The following ERC1 variants were observed in gnomAD, a reference collection of about 807,000 sequenced individuals.
The protein encoded by ERC1 is ELKS/RAB6-interacting/CAST family member 1.
ERC1 carries 56 observed loss-of-function variants against 132.0 expected under a neutral mutation model. That is an observed-to-expected ratio of 0.42 (90% CI 0.34 to 0.53). The LOEUF is 0.53. ERC1 is among the 20% of genes least tolerant of loss of function. The pLI, the probability that ERC1 is intolerant of heterozygous loss-of-function variation, is 0.03. For synonymous variants in ERC1, 478 were observed against 476.1 expected, an observed-to-expected ratio of 1.00 and a Z score of -0.05; for missense variants, 1,202 against 1,349.9, an observed-to-expected ratio of 0.89 and a Z score of 1.72.
chr12:1,146,308 G>GTTTTTTTTTTTTT lies in ERC1; in HGVS notation c.1737+4534_1737+4546dup, dbSNP rs1172108036. The stretch of plus-strand genomic sequence containing the variant: ...ATTTCCTTGTTTAGGTATTTTACTG[G>GTTTTTTTTTTTTT]TTTTTTTTTTTTTTTTTTTTTTTTT... On this transcript the variant is annotated intron_variant, in intron 8 of 18. Transcript: ENST00000360905. Among the ~76,000 whole-genome samples the GTTTTTTTTTTTTT allele has an allele frequency of 8.2e-4, 26 of 31,798 alleles. 1 individual carries two copies. The highest frequency in any genetic ancestry group is 1.6e-3 in the African/African-American group (13 of 8,000). The allele number at this position is 31,798 out of a possible 152,430, so 20.9% of individuals were successfully genotyped here.
chr12:1,327,390 G>C (rs1244434167), intron 15 of ERC1, among the ~76,000 whole-genome samples: 1 of 152,042 alleles, frequency 6.6e-6, no homozygotes, highest in African/African-American at 2.4e-5. Context: ...AGGATTTAGA[G>C]GTCTTTTATT....
At chr12:1,228,363 T>TTTCTTTTTAGGTAGTTC in intron 12 of ERC1, among the ~76,000 whole-genome samples, 1 of 151,552 alleles carries the variant, frequency 6.6e-6, no homozygotes, top group East Asian at 1.9e-4. Flanking sequence ...TATACAAAAA[T>TTTCTTTTTAGGTAGTTC]ATACAACTAA....
chr12:1,177,761 A>G (rs978533491), intron 8 of ERC1, among the ~76,000 whole-genome samples: 1 of 152,238 alleles, frequency 6.6e-6, no homozygotes, highest in African/African-American at 2.4e-5. Context: ...GCTCTTGGAA[A>G]GTAGTGCCGA....
At chr12:1,320,763 A>G (rs879539157) in intron 15 of ERC1, among the ~76,000 whole-genome samples, 1 of 152,128 alleles carries the variant, frequency 6.6e-6, no homozygotes, top group Non-Finnish European at 1.5e-5. Context: ...GTGCAGTGGC[A>G]CGATCTGGGC....
At chr12:1,032,875 T>A (rs1048381050) in intron 2 of ERC1, among the ~76,000 whole-genome samples, 4 of 151,362 alleles carry the variant, frequency 2.6e-5, no homozygotes, top group Non-Finnish European at 4.4e-5. Flanking sequence ...TTTTTTTTTT[T>A]AATTGTTGTT....
chr12:1,367,134 A>G (rs2086738163), intron 15 of ERC1, among the ~76,000 whole-genome samples: 1 of 152,214 alleles, frequency 6.6e-6, no homozygotes, highest in South Asian at 2.1e-4. Context: ...ATATATTGGT[A>G]GTTTACTACT....
intron 17 of ERC1, among the ~76,000 whole-genome samples, chr12:1,423,188 G>A (rs972331079): frequency 1.3e-5 from 2 of 152,134 alleles, no homozygotes; most frequent in Non-Finnish European, 2.9e-5. Context: ...CTCTAACCAG[G>A]GACTTTCCAC....
intron 2 of ERC1, among the ~76,000 whole-genome samples, chr12:1,037,770 C>G (rs930340611): frequency 6.6e-6 from 1 of 151,998 alleles, no homozygotes; most frequent in Non-Finnish European, 1.5e-5. Flanking sequence ...TCCGGCCTGG[C>G]GCAGTGGCTC....
intron 13 of ERC1, among the ~76,000 whole-genome samples, chr12:1,255,758 G>A (rs530629274): frequency 1.3e-4 from 19 of 147,586 alleles, no homozygotes; most frequent in African/African-American, 3.2e-4. Flanking sequence ...TCAGCCTCCC[G>A]AGTAGCTGGG....
chr12:1,495,877 T>C lies in ERC1; in HGVS notation c.*5647T>C, dbSNP rs2094352277. 1 of 190,614 alleles carries C rather than the reference T, an allele frequency of 5.2e-6. No homozygotes were observed. The highest frequency in any genetic ancestry group is 2.3e-5 in the African/African-American group (1 of 42,892). 11.8% of individuals were successfully genotyped at this position (190,614 alleles called of 1,614,324 possible). On this transcript the variant is annotated 3_prime_UTR_variant, in exon 19 of 19. Coordinates refer to ENST00000360905, the MANE Select transcript of ERC1 (RefSeq NM_178040.4). ...TATTGTAAACACTTTGTTCATTTTT[T>C]CTTTTTTATTCACAAACTAAATCCA... is the stretch of plus-strand genomic sequence containing the variant.
At chr12:1,395,154 G>A (rs576546015) in intron 16 of ERC1, among the ~76,000 whole-genome samples, 3 of 152,350 alleles carry the variant, frequency 2.0e-5, no homozygotes, top group African/African-American at 7.2e-5. Context: ...AAGTGGGGCA[G>A]TGACCAGGAG....
At chr12:1,036,252 A>G (rs936249819) in intron 2 of ERC1, among the ~76,000 whole-genome samples, 9 of 142,028 alleles carry the variant, frequency 6.3e-5, no homozygotes, top group African/African-American at 2.1e-4. Flanking sequence ...AACCTTGTGT[A>G]ATTCTTTGTC....
chr12:1,275,783 A>C (rs1481536200), intron 14 of ERC1, among the ~76,000 whole-genome samples: 1 of 152,202 alleles, frequency 6.6e-6, no homozygotes, highest in South Asian at 2.1e-4. Flanking sequence ...TTATTTGGCC[A>C]TGGTTCTACA....
At chr12:1,303,363 G>A (rs2080563029) in intron 15 of ERC1, among the ~76,000 whole-genome samples, 1 of 152,206 alleles carries the variant, frequency 6.6e-6, no homozygotes. Flanking sequence ...CCGGCCGGGC[G>A]CCGTGGCTCA....
At chr12:1,375,733 CTTTTTTTTTTTTTT>C (rs35535185) in intron 16 of ERC1, among the ~76,000 whole-genome samples, 3 of 107,114 alleles carry the variant, frequency 2.8e-5, no homozygotes, top group African/African-American at 1.3e-4. Context: ...GCTCTTGTTC[CTTTTTTTTTTTTTT>C]TTTTTTTTGA....
At chr12:1,017,149 A>G (rs752246196) in intron 1 of ERC1, among the ~76,000 whole-genome samples, 1 of 151,914 alleles carries the variant, frequency 6.6e-6, no homozygotes, top group Non-Finnish European at 1.5e-5. Flanking sequence ...GGTATGTGCC[A>G]CCACGCCCAG....
At position 1,491,776 on chromosome 12, in the gene ERC1, G is replaced by C; in HGVS notation, c.*1546G>C. ...TTGCAAATCAGAAAGCTGACCCCAA[G>C]ACTGCAAATCAATGAAGGTATTGGC... On this transcript the variant is annotated 3_prime_UTR_variant, in exon 19 of 19. Coordinates refer to ENST00000360905, the MANE Select transcript of ERC1 (RefSeq NM_178040.4). 2 of 231,894 alleles carry C rather than the reference G, an allele frequency of 8.6e-6. No individual in the cohort carries two copies. Among genetic ancestry groups the C allele is most frequent in the Non-Finnish European group, 1.7e-5 (2 of 117,218 alleles). The allele number at this position is 231,894 out of a possible 1,614,324, so 14.4% of individuals were successfully genotyped here. A position where few individuals can be genotyped will look rare whatever the true frequency, so the allele number is the denominator to read the frequency against.
At chr12:1,392,134 C>A (rs1203504117) in intron 16 of ERC1, among the ~76,000 whole-genome samples, 3 of 152,090 alleles carry the variant, frequency 2.0e-5, no homozygotes, top group Admixed American at 6.5e-5. Context: ...ACACAAGGAC[C>A]AATGGAGATG....
chr12:1,473,573 T>C (rs998690775), intron 18 of ERC1, among the ~76,000 whole-genome samples: 1 of 141,872 alleles, frequency 7.0e-6, no homozygotes, highest in Non-Finnish European at 1.5e-5. Context: ...CAGGCTGCAG[T>C]GAGCTGTGAT....
Sources: gnomAD v4.1 joint callset for allele counts (sites outside exome capture counted in the v4.1 genomes callset) on GRCh38, gnomAD v4.1.1 for gene constraint, MANE v1.5 for transcripts, NCBI Gene and HGNC (gene_info 2026-07-23, HGNC 2026-07-21) for gene names.